The following DCBLD2 variants were observed in gnomAD, a reference collection of about 807,000 sequenced individuals.
DCBLD2 encodes the protein discoidin, CUB and LCCL domain-containing protein 2.
In DCBLD2, 54 loss-of-function variants were observed where a neutral mutation model predicts 86.8. That is an observed-to-expected ratio of 0.62 (90% CI 0.50 to 0.78). The LOEUF (loss-of-function observed/expected upper bound fraction) is 0.78. Ranked by LOEUF, DCBLD2 falls within the 30% of genes least tolerant of loss-of-function variation. The pLI is 0.00. For missense variants in DCBLD2, 908 were observed against 954.2 expected, an observed-to-expected ratio of 0.95 and a Z score of 0.64; for synonymous variants, 354 against 341.3, an observed-to-expected ratio of 1.04 and a Z score of -0.41.
At chr3:98,885,007 C>T (rs1354110770) in intron 1 of DCBLD2, among the ~76,000 whole-genome samples, 1 of 152,040 alleles carries the variant, frequency 6.6e-6, no homozygotes, top group African/African-American at 2.4e-5. Flanking sequence ...ACTGCCCTTT[C>T]CAACATGAAG....
Position 98,798,753 on chromosome 3 carries a change from T to C in DCBLD2, c.*619A>G, listed in dbSNP as rs1941657895. Reference sequence around the variant, plus strand: ...AGACCAGGCCATATACTGTGAAGCATTAAAGCTCTAAAGAGTGTCACAAAG... The same window carrying C: ...AGACCAGGCCATATACTGTGAAGCACTAAAGCTCTAAAGAGTGTCACAAAG... On this transcript the variant is annotated 3_prime_UTR_variant, in exon 16 of 16. Transcript: ENST00000326840. The C allele has an allele frequency of 1.3e-5, 2 of 152,360 alleles. No homozygotes were observed. Among genetic ancestry groups the C allele is most frequent in the Non-Finnish European group, 2.9e-5 (2 of 68,190 alleles). 9.4% of individuals were successfully genotyped at this position (152,360 alleles called of 1,614,324 possible).
chr3:98,834,082 T>A (rs896906568), intron 3 of DCBLD2, among the ~76,000 whole-genome samples: 4 of 151,704 alleles, frequency 2.6e-5, no homozygotes, highest in Non-Finnish European at 4.4e-5. Flanking sequence ...CCTGTGTCGT[T>A]CCTGAGTGGG....
At chr3:98,857,152 T>C (rs545347775) in intron 2 of DCBLD2, among the ~76,000 whole-genome samples, 1 of 152,104 alleles carries the variant, frequency 6.6e-6, no homozygotes, top group East Asian at 1.9e-4. Context: ...TCGTGGTGAG[T>C]GTTACAGCTC....
At chr3:98,839,743 G>C (rs926207778) in intron 3 of DCBLD2, among the ~76,000 whole-genome samples, 11 of 152,154 alleles carry the variant, frequency 7.2e-5, no homozygotes, top group African/African-American at 2.7e-4. Context: ...TGGGTGGGGT[G>C]GGGGAGGTAA....
At chr3:98,835,938 C>CTTTCTTTCTTTTTTTTTTTTTTT (rs56279917) in intron 3 of DCBLD2, among the ~76,000 whole-genome samples, 1 of 115,054 alleles carries the variant, frequency 8.7e-6, no homozygotes, top group Non-Finnish European at 1.8e-5. Flanking sequence ...TCCTTTCTTT[C>CTTTCTTTCTTTTTTTTTTTTTTT]TTTTTTTTTT....
intron 1 of DCBLD2, chr3:98,900,758 C>T (rs1278989186): frequency 3.6e-6 from 1 of 277,608 alleles, no homozygotes; most frequent in Admixed American, 4.9e-5. Context: ...ATTAACCTGC[C>T]TTCCTACAGT....
intron 1 of DCBLD2, among the ~76,000 whole-genome samples, chr3:98,884,928 CAG>C (rs1289920131): frequency 6.6e-6 from 1 of 152,062 alleles, no homozygotes; most frequent in Non-Finnish European, 1.5e-5. Flanking sequence ...AGAGTACACG[CAG>C]AGTGTTAGGA....
intron 2 of DCBLD2, among the ~76,000 whole-genome samples, chr3:98,862,522 C>T (rs1268004732): frequency 1.3e-5 from 2 of 152,156 alleles, no homozygotes; most frequent in Admixed American, 1.3e-4. Flanking sequence ...TTATCCACCA[C>T]GATCAAGTGG....
rs1168952962 is a variant in DCBLD2 at position 98,799,812 on chromosome 3, C to G, written c.1888G>C (p.Val630Leu). The G allele has an allele frequency of 3.7e-6, 6 of 1,612,858 alleles. No individual in the cohort carries two copies. Among genetic ancestry groups the G allele is most frequent in the Non-Finnish European group, 5.1e-6 (6 of 1,179,168 alleles). The change falls in exon 16 of 16, where the codon GTT becomes CTT. Residue 630 changes from valine (V) to leucine (L), a missense_variant. By Grantham distance (32) the Val-to-Leu change is conservative (BLOSUM62 1). Around this residue, in one of 3 missense-constraint regions of DCBLD2, gnomAD observed 606 missense variants for 678.5 expected, o/e 0.89. Transcript: ENST00000326840. ...EYAQPLVGGI[V>L]GTLHQRSTFK... ...GTAGATCTTTGATGAAGTGTACCAA[C>G]AATTCCTCCTACCAGTGGCTGAGCA...
intron 2 of DCBLD2, among the ~76,000 whole-genome samples, chr3:98,875,611 G>A (rs1183796740): frequency 3.3e-5 from 5 of 152,098 alleles, no homozygotes; most frequent in African/African-American, 9.7e-5. Context: ...AAAAATGAAC[G>A]TTTCTGAAAG....
intron 1 of DCBLD2, among the ~76,000 whole-genome samples, chr3:98,888,579 C>A (rs1943600360): frequency 6.6e-6 from 1 of 151,956 alleles, no homozygotes; most frequent in Admixed American, 6.6e-5. Flanking sequence ...GTGTCAAGGT[C>A]CTAAGCCATA....
intron 15 of DCBLD2, among the ~76,000 whole-genome samples, chr3:98,800,096 C>T (rs1941690249): frequency 6.6e-6 from 1 of 152,150 alleles, no homozygotes; most frequent in Non-Finnish European, 1.5e-5. Flanking sequence ...TTTAGATTTA[C>T]AGACAACATA....
At chr3:98,813,160 C>T (rs1941968046) in intron 9 of DCBLD2, 1 of 152,240 alleles carries the variant, frequency 6.6e-6, no homozygotes, top group Non-Finnish European at 1.5e-5. Flanking sequence ...GGGATCATAG[C>T]ACAATACAGC....
At chr3:98,810,689 A>T (rs765710226) in intron 12 of DCBLD2, among the ~76,000 whole-genome samples, 1 of 152,214 alleles carries the variant, frequency 6.6e-6, no homozygotes. Flanking sequence ...CTTAAAAAAT[A>T]TAATTGCAAA....
chr3:98,894,892 G>A (rs1281569188), intron 1 of DCBLD2, among the ~76,000 whole-genome samples: 1 of 152,082 alleles, frequency 6.6e-6, no homozygotes. Flanking sequence ...TCCGCTGGCA[G>A]GAATAAATAC....
rs1475302688 is a variant in DCBLD2 at position 98,901,419 on chromosome 3, G to C, written c.-93C>G. 18 of 1,220,640 alleles carry C rather than the reference G, an allele frequency of 1.5e-5. No homozygotes were observed. The highest frequency in any genetic ancestry group is 1.4e-5 in the Non-Finnish European group (14 of 974,386). 75.6% of individuals were successfully genotyped at this position (1,220,640 alleles called of 1,614,324 possible). On this transcript the variant is annotated 5_prime_UTR_variant, in exon 1 of 16. Transcript: ENST00000326840. ...CACCCGACCAGGAGACGGCGGCAGC[G>C]GCGGGAGAACAAGAGGCAGCCCTCG...
In DCBLD2 at chr3:98,872,775, T is replaced by TA. The variant is rs1019295683; in HGVS notation, c.433+8764dup. On this transcript the variant is annotated intron_variant, in intron 2 of 15. Transcript: ENST00000326840. ...ACCTTACCAAACACGAAAAGACACT[T>TA]AAAAAAAACCAGAAGGACAGAAAAC... is the stretch of plus-strand genomic sequence containing the variant. Among the ~76,000 whole-genome samples, 2 of 151,310 alleles carry TA rather than the reference T, an allele frequency of 1.3e-5. 1 individual carries two copies. Among genetic ancestry groups the TA allele is most frequent in the East Asian group, 3.9e-4 (2 of 5,154 alleles).
intron 2 of DCBLD2, among the ~76,000 whole-genome samples, chr3:98,870,990 A>T (rs915197030): frequency 6.8e-6 from 1 of 148,040 alleles, no homozygotes; most frequent in Non-Finnish European, 1.5e-5. Flanking sequence ...ATGTGTAGAG[A>T]TCTTTCACCT....
At chr3:98,884,020 A>G (rs989015579) in intron 1 of DCBLD2, among the ~76,000 whole-genome samples, 47 of 152,250 alleles carry the variant, frequency 3.1e-4, no homozygotes, top group African/African-American at 1.1e-3. Context: ...TGAAAAAGTA[A>G]TTTCAAATTA....
Sources: gnomAD v4.1 joint callset for allele counts (sites outside exome capture counted in the v4.1 genomes callset) on GRCh38, gnomAD v4.1.1 for gene constraint, gnomAD v4.1.1 regional missense constraint, MANE v1.5 for transcripts, NCBI Gene and HGNC (gene_info 2026-07-23, HGNC 2026-07-21) for gene names.